Variants in SEPTIN7 observed in about 807,000 individuals in gnomAD.
SEPTIN7 encodes the protein septin-7.
In SEPTIN7, 10 loss-of-function variants were observed where a neutral mutation model predicts 63.3. The ratio of observed to expected loss-of-function variants is 0.16; its 90% CI spans 0.10 to 0.27. The LOEUF (loss-of-function observed/expected upper bound fraction) is 0.27, where lower values mean the gene tolerates loss of function less well. SEPTIN7 is among the 10% of genes least tolerant of loss of function. The pLI, the probability that SEPTIN7 is intolerant of heterozygous loss-of-function variation, is 1.00. For synonymous variants in SEPTIN7, 131 were observed against 165.3 expected, an observed-to-expected ratio of 0.79 and a Z score of 1.59; for missense variants, 310 against 521.0, an observed-to-expected ratio of 0.59 and a Z score of 3.94.
chr7:35,817,620 A>G (rs1365046690), intron 1 of SEPTIN7, among the ~76,000 whole-genome samples: 1 of 152,090 alleles, frequency 6.6e-6, no homozygotes, highest in Non-Finnish European at 1.5e-5. Flanking sequence ...CTTGTATATC[A>G]ATTTGAAGAG....
chr7:35,868,097 C>G (rs539150329), intron 4 of SEPTIN7, among the ~76,000 whole-genome samples: 1 of 151,856 alleles, frequency 6.6e-6, no homozygotes, highest in Non-Finnish European at 1.5e-5. Flanking sequence ...CTCGAACTCC[C>G]GACCTCAACT....
chr7:35,904,305 A>AC lies in SEPTIN7; in HGVS notation c.*14dup. 6.4e-7 allele frequency: 1 copy of AC among 1,553,732 alleles called. No individual in the cohort carries two copies. The highest frequency in any genetic ancestry group is 2.2e-4 in the Middle Eastern group (1 of 4,534). ...GGAAGATCTTTTAAACTCTCTATTGACCACCAGTTAACGTATTAGTTGCCA... is the reference window on the plus strand; with the variant it reads ...GGAAGATCTTTTAAACTCTCTATTGACCCACCAGTTAACGTATTAGTTGCCA... On this transcript the variant is annotated 3_prime_UTR_variant, in exon 14 of 14. Coordinates refer to ENST00000350320, the MANE Select transcript of SEPTIN7 (RefSeq NM_001788.6).
At position 35,831,473 on chromosome 7, in the gene SEPTIN7, A is replaced by G; in HGVS notation, c.62-19A>G. ...GGAATCTGGAACACTGGAATGATGG[A>G]AATGTGTTCTTTACAAAGTAGCTGT... is the stretch of plus-strand genomic sequence containing the variant. On this transcript the variant is annotated intron_variant, in intron 1 of 13. Coordinates refer to ENST00000350320, the MANE Select transcript of SEPTIN7 (RefSeq NM_001788.6). 2.1e-6 allele frequency: 1 copy of G among 479,914 alleles called. No homozygotes were observed. The highest frequency in any genetic ancestry group is 4.1e-6 in the Non-Finnish European group (1 of 241,512). The allele number at this position is 479,914 out of a possible 1,614,324, so 29.7% of individuals were successfully genotyped here.
chr7:35,845,249 A>C (rs1298369099), intron 3 of SEPTIN7, among the ~76,000 whole-genome samples: 5 of 151,668 alleles, frequency 3.3e-5, no homozygotes, highest in African/African-American at 1.2e-4. Flanking sequence ...ATATATGTAA[A>C]ATACCTAGTA....
intron 11 of SEPTIN7, among the ~76,000 whole-genome samples, chr7:35,897,603 ATGTG>A (rs954918161): frequency 2.0e-5 from 3 of 152,126 alleles, no homozygotes; most frequent in African/African-American, 7.2e-5. Context: ...TCTCTGAAGT[ATGTG>A]TGTGTGTTTT....
At chr7:35,832,961 CTG>C in intron 3 of SEPTIN7, 61 bp downstream of exon 3, 1 of 917,306 alleles carries the variant, frequency 1.1e-6, no homozygotes, top group Non-Finnish European at 1.8e-6. Flanking sequence ...TTAGTCAACT[CTG>C]AATAGATTTA....
rs1372886072 is a variant in SEPTIN7 at position 35,906,420 on chromosome 7, A to G, written c.*2127A>G. The G allele has an allele frequency of 1.9e-4, 29 of 152,222 alleles. No individual in the cohort carries two copies. Among genetic ancestry groups the G allele is most frequent in the Admixed American group, 1.7e-3 (26 of 15,278 alleles). The allele number at this position is 152,222 out of a possible 1,614,324, so 9.4% of individuals were successfully genotyped here. ...TGGCCTGTGGATGTCTGAGAAGATC[A>G]TTCACAATACATGTAAAATTCAGGT... On this transcript the variant is annotated 3_prime_UTR_variant, in exon 14 of 14. Coordinates refer to ENST00000350320, the MANE Select transcript of SEPTIN7 (RefSeq NM_001788.6).
chr7:35,801,005 G>C (rs1172836116), upstream of SEPTIN7: 19 of 447,828 alleles, frequency 4.2e-5, no homozygotes, highest in South Asian at 4.7e-4. Flanking sequence ...GCCAGCCTCC[G>C]CTAGGCCCGG....
chr7:35,816,481 A>G (rs1188387534), intron 1 of SEPTIN7, among the ~76,000 whole-genome samples: 2 of 151,906 alleles, frequency 1.3e-5, no homozygotes, highest in Non-Finnish European at 2.9e-5. Context: ...CCGTTAGTTG[A>G]TATTTGGGTT....
intron 3 of SEPTIN7, among the ~76,000 whole-genome samples, chr7:35,833,248 T>C (rs1783920870): frequency 6.6e-6 from 1 of 152,022 alleles, no homozygotes; most frequent in Non-Finnish European, 1.5e-5. Flanking sequence ...TATGCTATAG[T>C]GGAGTATCAT....
rs1007208305 is a variant in SEPTIN7, at chr7:35,851,526, ATTTT to A, written c.170-12022_170-12019del. 1.2e-4 allele frequency among the ~76,000 whole-genome samples: 19 copies of A among 152,186 alleles called. 1 individual carries two copies. The highest frequency in any genetic ancestry group is 4.6e-4 in the African/African-American group (19 of 41,542). On this transcript the variant is annotated intron_variant, in intron 3 of 13. Transcript: ENST00000350320. ...ACAGATATTCTTTTTATCTTGAGTA[ATTTT>A]TTTCTTAAGCCAGTATATATATTAT...
chr7:35,836,225 A>G (rs987405062), intron 3 of SEPTIN7, among the ~76,000 whole-genome samples: 29 of 152,298 alleles, frequency 1.9e-4, no homozygotes, highest in African/African-American at 6.5e-4. Flanking sequence ...GAACTTGACT[A>G]TCATTAGTGT....
intron 3 of SEPTIN7, among the ~76,000 whole-genome samples, chr7:35,854,665 A>C (rs1785114185): frequency 6.6e-6 from 1 of 152,156 alleles, no homozygotes; most frequent in Non-Finnish European, 1.5e-5. Context: ...CTCAATAATC[A>C]TTTTTCTCTT....
intron 3 of SEPTIN7, among the ~76,000 whole-genome samples, chr7:35,845,994 T>C (rs577236649): frequency 6.6e-6 from 1 of 152,228 alleles, no homozygotes; most frequent in East Asian, 1.9e-4. Context: ...TATTCAGATA[T>C]ATGGCTTGAA....
At chr7:35,914,964 A>ATATT in the SEPTIN7 span, among the ~76,000 whole-genome samples, 3 of 152,050 alleles carry the variant, frequency 2.0e-5, no homozygotes, top group Admixed American at 2.0e-4. Flanking sequence ...ATACCTACAT[A>ATATT]TATTTATGTA....
chr7:35,866,905 A>G (rs1258610683), intron 4 of SEPTIN7, among the ~76,000 whole-genome samples: 1 of 152,180 alleles, frequency 6.6e-6, no homozygotes, highest in Non-Finnish European at 1.5e-5. Flanking sequence ...CAGATTGCTG[A>G]GTCCCTTTCT....
intron 11 of SEPTIN7, among the ~76,000 whole-genome samples, chr7:35,891,051 G>A (rs1465442240): frequency 6.6e-6 from 1 of 152,174 alleles, no homozygotes; most frequent in Non-Finnish European, 1.5e-5. Context: ...AGATGAATTT[G>A]TTCTTGGTTA....
chr7:35,809,458 T>G (rs933580089), intron 1 of SEPTIN7, among the ~76,000 whole-genome samples: 39 of 152,268 alleles, frequency 2.6e-4, no homozygotes, highest in African/African-American at 9.4e-4. Flanking sequence ...CTTTATGTTC[T>G]GCCTCCACTG....
intron 3 of SEPTIN7, among the ~76,000 whole-genome samples, chr7:35,853,984 T>C (rs979412271): frequency 5.3e-5 from 8 of 152,186 alleles, no homozygotes; most frequent in Non-Finnish European, 1.0e-4. Context: ...ATGATGCAGA[T>C]TGAGTATCCC....
Sources: allele counts gnomAD v4.1 joint callset (sites outside exome capture counted in the v4.1 genomes callset), GRCh38; gene constraint gnomAD v4.1.1; transcripts MANE v1.5; gene names NCBI Gene and HGNC (gene_info 2026-07-23, HGNC 2026-07-21).